The following DYSF variants were observed in gnomAD, a reference collection of about 807,000 sequenced individuals.
DYSF encodes the protein dysferlin, also known as dystrophy-associated fer-1-like 1.
A neutral mutation model predicts 274.9 loss-of-function variants in DYSF; 212 were observed. The ratio of observed to expected loss-of-function variants is 0.77; its 90% confidence interval spans 0.69 to 0.86. The LOEUF is 0.86. Ranked by LOEUF, DYSF falls within the 40% of genes least tolerant of loss-of-function variation. DYSF has a pLI of 0.00. For missense variants in DYSF, 2,666 were observed against 2,783.2 expected (o/e 0.96, Z 0.95); for synonymous variants, 1,091 against 1,078.7 (o/e 1.01, Z -0.22).
chr2:71,613,238 G>A (rs2093806713), intron 39 of DYSF, 96 bp from the exon 40 acceptor site: 6 of 1,060,088 alleles, frequency 5.7e-6, no homozygotes, highest in African/African-American at 4.7e-5. Context: ...AGACTGCAGG[G>A]TCTTGTCTTG....
intron 51 of DYSF, among the ~76,000 whole-genome samples, chr2:71,673,343 G>A (rs1447043108): frequency 6.6e-6 from 1 of 152,222 alleles, no homozygotes; most frequent in Non-Finnish European, 1.5e-5. Context: ...AGCCTCAGTG[G>A]GAGGAAGCCC....
chr2:71,646,153 C>T (rs758671744), intron 42 of DYSF, among the ~76,000 whole-genome samples: 5 of 152,206 alleles, frequency 3.3e-5, no homozygotes, highest in South Asian at 2.1e-4. Flanking sequence ...AGTTCCTCCT[C>T]GACTTGGTAG....
At chr2:71,505,448 C>T (rs772413348) in intron 4 of DYSF, among the ~76,000 whole-genome samples, 1 of 152,214 alleles carries the variant, frequency 6.6e-6, no homozygotes, top group East Asian at 1.9e-4. Context: ...TGGGGTGATA[C>T]GAGTGAACAC....
chr2:71,485,654 C>A (rs1372974938), intron 3 of DYSF, among the ~76,000 whole-genome samples: 1 of 152,142 alleles, frequency 6.6e-6, no homozygotes, highest in Non-Finnish European at 1.5e-5. Flanking sequence ...AGTACTTCCA[C>A]CCTACACATG....
chr2:71,662,769 ATGTGTG>A (rs750036259), intron 45 of DYSF, among the ~76,000 whole-genome samples: 2 of 123,634 alleles, frequency 1.6e-5, no homozygotes, highest in African/African-American at 6.3e-5. Flanking sequence ...GTGTATTTGT[ATGTGTG>A]TGTGTATGTG....
intron 17 of DYSF, among the ~76,000 whole-genome samples, chr2:71,543,011 C>T (rs1349782146): frequency 2.0e-5 from 3 of 151,658 alleles, no homozygotes; most frequent in East Asian, 3.9e-4. Flanking sequence ...TGCCCCCCAC[C>T]TCCCTCCCGG....
At chr2:71,502,493 C>T (rs1264876398) in intron 3 of DYSF, among the ~76,000 whole-genome samples, 1 of 152,136 alleles carries the variant, frequency 6.6e-6, no homozygotes, top group Non-Finnish European at 1.5e-5. Context: ...GCTGCCTCTA[C>T]AGAGGGGCAG....
At chr2:71,491,944 C>T (rs1044667502) in intron 3 of DYSF, among the ~76,000 whole-genome samples, 2 of 152,170 alleles carry the variant, frequency 1.3e-5, no homozygotes, top group African/African-American at 4.8e-5. Flanking sequence ...AAGGCATAGG[C>T]TTGGCCTCTG....
chr2:71,549,037 G>C (rs1373960670), intron 17 of DYSF, among the ~76,000 whole-genome samples: 4 of 152,166 alleles, frequency 2.6e-5, no homozygotes, highest in African/African-American at 9.7e-5. Context: ...ATTATTCCTT[G>C]AGTGTATTGA....
chr2:71,644,783 T>C (rs762762953), intron 42 of DYSF, among the ~76,000 whole-genome samples: 38 of 152,234 alleles, frequency 2.5e-4, no homozygotes, highest in Non-Finnish European at 4.7e-4. Context: ...GTCTCCTGGC[T>C]AGGGTTGCCA....
At chr2:71,577,086 C>T (rs1254225590) in intron 30 of DYSF, 1 of 152,874 alleles carries the variant, frequency 6.5e-6, no homozygotes, top group African/African-American at 2.4e-5. Flanking sequence ...GAGGGCAGAT[C>T]CCACAGACCT....
At chr2:71,619,176 T>C (rs2094027292) in intron 40 of DYSF, among the ~76,000 whole-genome samples, 1 of 152,040 alleles carries the variant, frequency 6.6e-6, no homozygotes, top group African/African-American at 2.4e-5. Flanking sequence ...AAGGCTTCTG[T>C]GGGGTTCAGG....
In DYSF at chr2:71,615,827, G is replaced by C. The variant is rs937381098; in HGVS notation, c.4464+2417G>C. ...GGGACGAGAGGTCTGGCAGAATCTGGATTTTGGCTGGCTTCTGTCTGCCCC... is the reference window on the plus strand; with the variant it reads ...GGGACGAGAGGTCTGGCAGAATCTGCATTTTGGCTGGCTTCTGTCTGCCCC... On this transcript the variant is annotated intron_variant, in intron 40 of 55. Coordinates refer to ENST00000410020, the MANE Select transcript of DYSF (RefSeq NM_001130987.2). The surrounding 1 kb of genome is among the most constrained non-coding windows in gnomAD (Gnocchi z 4.9). Among the ~76,000 whole-genome samples, 1 of 152,170 alleles carries C rather than the reference G, an allele frequency of 6.6e-6. No individual in the cohort carries two copies. Among genetic ancestry groups the C allele is most frequent in the Non-Finnish European group, 1.5e-5 (1 of 68,030 alleles).
At chr2:71,631,863 G>T (rs1031600749) in intron 41 of DYSF, among the ~76,000 whole-genome samples, 7 of 151,964 alleles carry the variant, frequency 4.6e-5, no homozygotes, top group Admixed American at 3.3e-4. Context: ...CTGCAGGGGG[G>T]ACAGCCTGGG....
chr2:71,506,530 G>A (rs1050107169), intron 4 of DYSF, among the ~76,000 whole-genome samples: 3 of 152,196 alleles, frequency 2.0e-5, no homozygotes, highest in African/African-American at 2.4e-5. Context: ...CGCGGGACCC[G>A]TGACGTGGAG....
At chr2:71,570,536 G>A in intron 28 of DYSF, 63 bp from the exon 29 acceptor site, 1 of 1,598,926 alleles carries the variant, frequency 6.3e-7, no homozygotes, top group Non-Finnish European at 8.5e-7. Context: ...CAAATTCAGA[G>A]ATGGTCCCAG....
At chr2:71,526,139 G>A in intron 12 of DYSF, 81 bp from the exon 13 acceptor site, 12 of 1,612,372 alleles carry the variant, frequency 7.4e-6, no homozygotes, top group African/African-American at 1.3e-5. Flanking sequence ...TTTATGTGGC[G>A]AAGCTGGAAC....
chr2:71,486,255 C>G (rs1469101522), intron 3 of DYSF, among the ~76,000 whole-genome samples: 3 of 152,180 alleles, frequency 2.0e-5, no homozygotes, highest in South Asian at 4.2e-4. Context: ...TCTGTTAACC[C>G]TCTCAGTCCC....
At chr2:71,454,220 T>C (rs1425551580) in intron 1 of DYSF, 4 of 877,806 alleles carry the variant, frequency 4.6e-6, no homozygotes, top group South Asian at 4.4e-5. Context: ...ACGTTGAGTG[T>C]TGCAACGACA....
Sources: allele counts gnomAD v4.1 joint callset (sites outside exome capture counted in the v4.1 genomes callset), GRCh38; gene constraint gnomAD v4.1.1; non-coding constraint Gnocchi (gnomAD v3.1); transcripts MANE v1.5; gene names NCBI Gene and HGNC (gene_info 2026-07-23, HGNC 2026-07-21).